The following PANK1 variants were observed in gnomAD, a reference collection of about 807,000 sequenced individuals.
PANK1 encodes the protein pantothenic acid kinase 1.
PANK1 carries 18 observed loss-of-function variants against 40.1 expected under a neutral mutation model. That is an observed-to-expected ratio of 0.45 (90% CI 0.31 to 0.67). PANK1 has a LOEUF of 0.67. Among genes scored for constraint, PANK1 ranks in the 30% least tolerant of loss-of-function variants. The pLI, the probability that PANK1 is intolerant of heterozygous loss-of-function variation, is 0.06. For synonymous variants in PANK1, 242 were observed against 237.7 expected (o/e 1.02, Z -0.17); for missense variants, 457 against 599.6 (o/e 0.76, Z 2.48).
At position 89,611,723 on chromosome 10, in the gene PANK1, A is replaced by G; in HGVS notation, c.618T>C (p.Ala206=). Residue 206 remains alanine, a synonymous_variant, in exon 2 of 7, where the codon GCT becomes GCC. Transcript: ENST00000307534. The part of the protein sequence containing the change: ...HTTLCATGGG[A]FKFEEDFRMI... ...TTCTGAAGTCCTCTTCGAATTTGAA[A>G]GCCCCGCCTCCTGTGGCACAGAGGG... 1 of 1,608,614 alleles carries G rather than the reference A, an allele frequency of 6.2e-7. No individual in the cohort carries two copies. Among genetic ancestry groups the G allele is most frequent in the South Asian group, 1.1e-5 (1 of 90,372 alleles).
chr10:89,616,307 A>G (rs887042474), intron 1 of PANK1, among the ~76,000 whole-genome samples: 5 of 152,358 alleles, frequency 3.3e-5, no homozygotes, highest in South Asian at 2.1e-4. Flanking sequence ...ATAAATTTCT[A>G]TACATTGCAT....
Position 89,644,821 on chromosome 10 carries a change from G to A in PANK1, c.71C>T (p.Ala24Val). The A allele has an allele frequency of 6.9e-7, 1 of 1,455,212 alleles. No homozygotes were observed. The highest frequency in any genetic ancestry group is 9.0e-7 in the Non-Finnish European group (1 of 1,112,720). The allele number at this position is 1,455,212 out of a possible 1,614,324, so 90.1% of individuals were successfully genotyped here. A position where few individuals can be genotyped will look rare whatever the true frequency, so the allele number is the denominator to read the frequency against. ...HSPGAPVGTS[A>V]AAVNGLLHNG... ...GTGCAGCAGCCCGTTCACAGCGGCG[G>A]CGCTGGTGCCCACGGGGGCCCCTGG... The change falls in exon 1 of 7, where the codon GCC (alanine) becomes GTC (valine). Residue 24 changes from alanine (A) to valine (V), a missense_variant. Transcript: ENST00000307534.
intron 1 of PANK1, chr10:89,643,947 A>G (rs1842036163): frequency 2.1e-6 from 2 of 931,484 alleles, no homozygotes; most frequent in Admixed American, 7.5e-5. Flanking sequence ...CCCTTCGTTG[A>G]AAAAAAAAAT....
At chr10:89,636,231 C>T (rs1286662544) in intron 1 of PANK1, among the ~76,000 whole-genome samples, 1 of 152,190 alleles carries the variant, frequency 6.6e-6, no homozygotes, top group African/African-American at 2.4e-5. Context: ...TGGGTTGCTC[C>T]ACCCTTGCAA....
chr10:89,586,057 T>C (rs148583791), intron 6 of PANK1, among the ~76,000 whole-genome samples: 175 of 152,308 alleles, frequency 1.1e-3, no homozygotes, highest in African/African-American at 4.0e-3. Flanking sequence ...CCTACAGAAG[T>C]GAGTTTCCCC....
intron 2 of PANK1, among the ~76,000 whole-genome samples, chr10:89,605,569 A>G: frequency 6.6e-6 from 1 of 152,216 alleles, no homozygotes; most frequent in East Asian, 1.9e-4. Context: ...ATTCACTCAT[A>G]TCTTCAGGAT....
Position 89,584,064 on chromosome 10 carries a change from C to A in PANK1, c.*342G>T. On this transcript the variant is annotated 3_prime_UTR_variant, in exon 7 of 7. Coordinates refer to ENST00000307534, the MANE Select transcript of PANK1 (RefSeq NM_148977.3). ...AAATCACCACACTGATCAGTAAACC[C>A]CAGAAGAAAAATGACCAGCGCTTAC... is the stretch of plus-strand genomic sequence containing the variant. 4.8e-6 allele frequency: 1 copy of A among 208,344 alleles called. No individual in the cohort carries two copies. Among genetic ancestry groups the A allele is most frequent in the East Asian group, 1.1e-4 (1 of 9,498 alleles). 12.9% of individuals were successfully genotyped at this position (208,344 alleles called of 1,614,324 possible).
chr10:89,604,824 C>T (rs948370212), intron 2 of PANK1, among the ~76,000 whole-genome samples: 1 of 151,760 alleles, frequency 6.6e-6, no homozygotes, highest in African/African-American at 2.4e-5. Context: ...TATCTCGGCT[C>T]GCTGCAAGCT....
chr10:89,597,951 C>T (rs1001437788), intron 3 of PANK1, among the ~76,000 whole-genome samples: 1 of 152,142 alleles, frequency 6.6e-6, no homozygotes, highest in Admixed American at 6.5e-5. Context: ...AATTAACTTA[C>T]AAAACAAAGC....
At chr10:89,596,925 T>C (rs1017405971) in intron 3 of PANK1, among the ~76,000 whole-genome samples, 1 of 152,220 alleles carries the variant, frequency 6.6e-6, no homozygotes, top group African/African-American at 2.4e-5. Context: ...ATTTCTTCCA[T>C]TGACTTCTAT....
chr10:89,611,691 C>T lies in PANK1; in HGVS notation c.645+5G>A. On this transcript the variant is annotated splice_donor_5th_base_variant and intron_variant, in intron 2 of 6. Transcript: ENST00000307534. The stretch of plus-strand genomic sequence containing the variant: ...GATGTTTTAACAAAGACAAACCCGA[C>T]CTACCATTCTGAAGTCCTCTTCGAA... 1.9e-6 allele frequency: 3 copies of T among 1,590,960 alleles called. No homozygotes were observed. The highest frequency in any genetic ancestry group is 1.7e-5 in the Admixed American group (1 of 57,270).
chr10:89,600,991 GT>G, intron 2 of PANK1, among the ~76,000 whole-genome samples: 1 of 152,096 alleles, frequency 6.6e-6, no homozygotes, highest in South Asian at 2.1e-4. Flanking sequence ...TTATTCTATG[GT>G]TAAGATTCAC....
At chr10:89,612,382 A>G (rs1589790631) in intron 1 of PANK1, among the ~76,000 whole-genome samples, 1 of 152,290 alleles carries the variant, frequency 6.6e-6, no homozygotes, top group East Asian at 1.9e-4. Context: ...TTATACTAAT[A>G]TTTAAAGATA....
chr10:89,601,841 G>A (rs905837798), intron 2 of PANK1, among the ~76,000 whole-genome samples: 4 of 152,190 alleles, frequency 2.6e-5, no homozygotes, highest in African/African-American at 9.7e-5. Context: ...CTGGAGACCT[G>A]AAAGACTATA....
intron 1 of PANK1, among the ~76,000 whole-genome samples, chr10:89,614,223 G>A (rs954310986): frequency 1.3e-5 from 2 of 152,042 alleles, no homozygotes; most frequent in East Asian, 3.9e-4. Flanking sequence ...ATGGGAGAAG[G>A]GTATTTTGGA....
At chr10:89,612,098 G>A (rs766800446) in intron 1 of PANK1, 50 bp from the exon 2 acceptor site, 1 of 1,449,876 alleles carries the variant, frequency 6.9e-7, no homozygotes, top group South Asian at 1.3e-5. Context: ...GTGCAAAGAA[G>A]TGTTCAGTTT....
intron 1 of PANK1, among the ~76,000 whole-genome samples, chr10:89,612,583 T>C (rs1845193448): frequency 2.0e-5 from 3 of 152,190 alleles, no homozygotes. Context: ...TGAACTGACT[T>C]TAGAAGATGT....
chr10:89,596,655 A>T (rs150039269), intron 3 of PANK1, among the ~76,000 whole-genome samples: 12 of 152,360 alleles, frequency 7.9e-5, no homozygotes, highest in Non-Finnish European at 1.2e-4. Context: ...GGCATACAGT[A>T]AAAACTCTCA....
At chr10:89,643,628 A>C in intron 1 of PANK1, 1 of 1,213,842 alleles carries the variant, frequency 8.2e-7, no homozygotes, top group Admixed American at 2.0e-5. Flanking sequence ...CCTACTTAAC[A>C]ATTTCCCTAT....
Sources: allele counts gnomAD v4.1 joint callset (sites outside exome capture counted in the v4.1 genomes callset), GRCh38; gene constraint gnomAD v4.1.1; transcripts MANE v1.5; gene names NCBI Gene and HGNC (gene_info 2026-07-23, HGNC 2026-07-21).